The following IK variants were observed in gnomAD, a reference collection of about 807,000 sequenced individuals.
The protein encoded by IK is protein Red.
In IK, 47 loss-of-function variants were observed where a neutral mutation model predicts 90.9. The ratio of observed to expected loss-of-function variants is 0.52; its 90% CI spans 0.41 to 0.66. The LOEUF is 0.66. Ranked by LOEUF, IK falls within the 30% of genes least tolerant of loss-of-function variation. The pLI is 0.00. For missense variants in IK, 385 were observed against 709.3 expected, an observed-to-expected ratio of 0.54 and a Z score of 5.19; for synonymous variants, 201 against 227.5, an observed-to-expected ratio of 0.88 and a Z score of 1.05.
intron 2 of IK, among the ~76,000 whole-genome samples, chr5:140,649,182 CTTT>C (rs980936785): frequency 2.1e-5 from 3 of 143,078 alleles, no homozygotes; most frequent in Admixed American, 6.9e-5. Context: ...CAGTCCATTT[CTTT>C]TTTTTTTTCT....
chr5:140,658,241 T>A (rs1483787098), intron 10 of IK, among the ~76,000 whole-genome samples: 1 of 152,116 alleles, frequency 6.6e-6, no homozygotes, highest in African/African-American at 2.4e-5. Flanking sequence ...CCTGACCTTA[T>A]GATGTGCCCA....
At chr5:140,660,850 C>T (rs748264905) in intron 16 of IK, 35 bp downstream of exon 16, 1 of 1,547,794 alleles carries the variant, frequency 6.5e-7, no homozygotes, top group South Asian at 1.1e-5. Flanking sequence ...CGCCTTTGGG[C>T]AGTTATTATT....
intron 10 of IK, 77 bp from the exon 11 acceptor site, chr5:140,658,660 A>C: frequency 8.4e-7 from 1 of 1,190,544 alleles, no homozygotes; most frequent in Admixed American, 2.0e-5. Context: ...AAAGGGCATT[A>C]AGAGCTGGAG....
chr5:140,661,272 G>C lies in IK; in HGVS notation c.1414-348G>C. On this transcript the variant is annotated intron_variant, in intron 16 of 19. Coordinates refer to ENST00000417647, the MANE Select transcript of IK (RefSeq NM_006083.4). The surrounding 1 kb of genome is among the most constrained non-coding windows in gnomAD (Gnocchi z 4.2). Reference sequence around the variant, plus strand: ...GAGTTCACTGTATTGAAATAGCATGGTTTAATCTTGGAGCCTTGTTTAATC... The same window carrying C: ...GAGTTCACTGTATTGAAATAGCATGCTTTAATCTTGGAGCCTTGTTTAATC... 1 of 287,212 alleles carries C rather than the reference G, an allele frequency of 3.5e-6. No homozygotes were observed. The highest frequency in any genetic ancestry group is 6.5e-6 in the Non-Finnish European group (1 of 153,486). The allele number at this position is 287,212 out of a possible 1,614,324, so 17.8% of individuals were successfully genotyped here.
chr5:140,648,285 A>G (rs1013772306), intron 1 of IK, 186 bp from the exon 2 acceptor site: 15 of 714,288 alleles, frequency 2.1e-5, no homozygotes, highest in African/African-American at 8.7e-5. Context: ...CCAGCGCAGG[A>G]TTAGGGTCCT....
At position 140,648,457 on chromosome 5, in the gene IK, A is replaced by AT. The variant is rs557124153; in HGVS notation, c.17-6dup. 1,589 of 1,611,860 alleles carry AT rather than the reference A, an allele frequency of 9.9e-4. 6 individuals are homozygous for AT. Among genetic ancestry groups the AT allele is most frequent in the African/African-American group, 2.7e-3 (201 of 74,920 alleles). ...TAAGAGACTGATTAAATTAACGTCAATTTTTTTTGTCAGGTGAGCCGTTCT... is the reference window on the plus strand; with the variant it reads ...TAAGAGACTGATTAAATTAACGTCAATTTTTTTTTGTCAGGTGAGCCGTTCT... On this transcript the variant is annotated splice_polypyrimidine_tract_variant and intron_variant, in intron 1 of 19. Coordinates refer to ENST00000417647, the MANE Select transcript of IK (RefSeq NM_006083.4).
intron 14 of IK, 118 bp from the exon 15 acceptor site, chr5:140,659,997 C>A: frequency 2.1e-6 from 2 of 968,922 alleles, no homozygotes; most frequent in Non-Finnish European, 3.2e-6. Context: ...GCACCCATAA[C>A]AGCTCACAGC....
chr5:140,659,610 CCAGAGTGACT>C (rs1462058374), intron 13 of IK, 136 bp from the exon 14 acceptor site: 1 of 668,970 alleles, frequency 1.5e-6, no homozygotes, highest in Non-Finnish European at 2.7e-6. Flanking sequence ...CTCATCTCAA[CCAGAGTGACT>C]CATTAATTGG....
intron 9 of IK, among the ~76,000 whole-genome samples, chr5:140,657,011 T>A (rs1290137795): frequency 6.6e-6 from 1 of 152,120 alleles, no homozygotes; most frequent in East Asian, 1.9e-4. Flanking sequence ...AGGAGTTCAA[T>A]ACCAGGTGGG....
chr5:140,659,278 A>G (rs1393862906), intron 12 of IK, 37 bp from the exon 13 acceptor site: 2 of 1,613,690 alleles, frequency 1.2e-6, no homozygotes, highest in South Asian at 2.2e-5. Flanking sequence ...GGAATCTCTC[A>G]TGGTAACACT....
At position 140,659,071 on chromosome 5, in the gene IK, A is replaced by ACGAGAT; in HGVS notation, c.1086_1091dup (p.Asp363_Arg364dup). The ACGAGAT allele has an allele frequency of 6.2e-7, 1 of 1,611,756 alleles. No individual in the cohort carries two copies. The highest frequency in any genetic ancestry group is 1.1e-5 in the South Asian group (1 of 91,040). On this transcript the variant is annotated inframe_insertion, in exon 12 of 20. Coordinates refer to ENST00000417647, the MANE Select transcript of IK (RefSeq NM_006083.4). ...ACCGTGACCGAGAGCGAGAGCGAGA[A>ACGAGAT]CGAGATCGGGAACGAGAGCGAGAGC...
intron 8 of IK, 78 bp downstream of exon 8, chr5:140,654,805 T>A: frequency 4.2e-6 from 4 of 948,988 alleles, no homozygotes; most frequent in Non-Finnish European, 6.5e-6. Context: ...AAGGATATGC[T>A]TCTCCTTTCC....
chr5:140,661,501 T>C lies in IK; in HGVS notation c.1414-119T>C. The C allele has an allele frequency of 1.5e-6, 1 of 659,404 alleles. No homozygotes were observed. Among genetic ancestry groups the C allele is most frequent in the South Asian group, 1.9e-5 (1 of 53,056 alleles). The allele number at this position is 659,404 out of a possible 1,614,324, so 40.8% of individuals were successfully genotyped here. On this transcript the variant is annotated intron_variant, in intron 16 of 19. Coordinates refer to ENST00000417647, the MANE Select transcript of IK (RefSeq NM_006083.4). The surrounding 1 kb of genome is among the most constrained non-coding windows in gnomAD (Gnocchi z 4.2). ...AAGCATTTATTATTACTTATCAGGG[T>C]ATGATTTATGAATTGTGGAACCTGG...
chr5:140,650,382 A>G (rs549659829), intron 2 of IK, among the ~76,000 whole-genome samples: 28 of 152,292 alleles, frequency 1.8e-4, no homozygotes, highest in African/African-American at 5.5e-4. Context: ...CAGCAGGCCA[A>G]GGAAGAGCCC....
chr5:140,648,453 G>T lies in IK; in HGVS notation c.17-18G>T, dbSNP rs1561969500. ...CACGTAAGAGACTGATTAAATTAAC[G>T]TCAATTTTTTTTGTCAGGTGAGCCG... On this transcript the variant is annotated intron_variant, in intron 1 of 19. Transcript: ENST00000417647. The T allele has an allele frequency of 1.2e-6, 2 of 1,613,326 alleles. No individual in the cohort carries two copies. The highest frequency in any genetic ancestry group is 1.7e-6 in the Non-Finnish European group (2 of 1,179,282).
Position 140,660,284 on chromosome 5 carries a change from G to GGCT in IK, c.1355+90_1355+92dup, listed in dbSNP as rs1561980528. 9.4e-5 allele frequency: 51 copies of GGCT among 540,322 alleles called. No individual in the cohort carries two copies. The East Asian group carries it at 1.3e-3, about 14-fold the overall frequency. The allele number at this position is 540,322 out of a possible 1,614,324, so 33.5% of individuals were successfully genotyped here. ...GGAAATTTGATTCGCTAAGTCCCAG[G>GGCT]GCTACTTCTTTTTTTTTTTTTTTTT... On this transcript the variant is annotated intron_variant, in intron 15 of 19. Transcript: ENST00000417647.
chr5:140,656,288 G>A (rs908951589), intron 9 of IK, among the ~76,000 whole-genome samples: 1 of 152,208 alleles, frequency 6.6e-6, no homozygotes, highest in African/African-American at 2.4e-5. Context: ...CGCCTCCCAG[G>A]TTCAAACGAT....
At chr5:140,648,003 G>A (rs967660470) in intron 1 of IK, 79 bp downstream of exon 1, 5 of 1,310,938 alleles carry the variant, frequency 3.8e-6, no homozygotes, top group Non-Finnish European at 5.4e-6. Context: ...CTGAGCTTAA[G>A]CCGGGTGTGT....
chr5:140,659,054 C>CGA lies in IK; in HGVS notation c.1070_1071dup (p.Arg358SerfsTer33). ...TCGGGAAAGAGACAGAGACCGTGAC[C>CGA]GAGAGCGAGAGCGAGAACGAGATCG... On this transcript the variant is annotated frameshift_variant, in exon 12 of 20. Transcript: ENST00000417647. LOFTEE classifies it high-confidence loss of function. 6.2e-7 allele frequency: 1 copy of CGA among 1,610,574 alleles called. No homozygotes were observed. The highest frequency in any genetic ancestry group is 8.5e-7 in the Non-Finnish European group (1 of 1,177,036).
Sources: gnomAD v4.1 joint callset for allele counts (sites outside exome capture counted in the v4.1 genomes callset) on GRCh38, gnomAD v4.1.1 for gene constraint, Gnocchi (gnomAD v3.1) non-coding constraint, MANE v1.5 for transcripts, NCBI Gene and HGNC (gene_info 2026-07-23, HGNC 2026-07-21) for gene names.